The following CACNA2D4 variants were observed in gnomAD, a reference collection of about 807,000 sequenced individuals.
CACNA2D4 encodes voltage-dependent calcium channel subunit alpha-2/delta-4.
Under a neutral mutation model 163.8 loss-of-function variants are expected in CACNA2D4, and 157 were observed. That is an observed-to-expected ratio of 0.96 (90% confidence interval 0.84 to 1.09). CACNA2D4 has a LOEUF of 1.09. CACNA2D4 is among the 50% of genes least tolerant of loss of function. CACNA2D4 has a pLI of 0.00. For missense variants in CACNA2D4, 1,410 were observed against 1,479.9 expected (o/e 0.95, Z 0.78); for synonymous variants, 598 against 586.9 (o/e 1.02, Z -0.27).
At chr12:1,825,844 G>A (rs750991860) in intron 26 of CACNA2D4, among the ~76,000 whole-genome samples, 4 of 147,930 alleles carry the variant, frequency 2.7e-5, no homozygotes, top group Non-Finnish European at 6.0e-5. Context: ...ATCCAGTCCC[G>A]GACTTACCAT....
chr12:1,826,406 C>CG (rs924965935), intron 26 of CACNA2D4, among the ~76,000 whole-genome samples: 11 of 56,922 alleles, frequency 1.9e-4, no homozygotes, highest in Non-Finnish European at 4.3e-4. Context: ...CAGAGCCCCC[C>CG]CCCCCCCCCC....
intron 26 of CACNA2D4, among the ~76,000 whole-genome samples, chr12:1,839,286 G>T (rs1463491097): frequency 1.3e-5 from 2 of 152,240 alleles, no homozygotes; most frequent in East Asian, 1.9e-4. Flanking sequence ...CTGTTGGATC[G>T]CGCAACTTTT....
chr12:1,857,037 AAGAC>A, intron 20 of CACNA2D4, among the ~76,000 whole-genome samples: 1 of 152,310 alleles, frequency 6.6e-6, no homozygotes, highest in Middle Eastern at 3.4e-3. Flanking sequence ...GAGTGGGTAT[AAGAC>A]AGCACCCTCT....
At chr12:1,914,705 T>C in intron 2 of CACNA2D4, 149 bp downstream of exon 2, 1 of 622,800 alleles carries the variant, frequency 1.6e-6, no homozygotes, top group South Asian at 2.0e-5. Context: ...GTTGAGAAAA[T>C]CATTCACCTC....
intron 18 of CACNA2D4, among the ~76,000 whole-genome samples, chr12:1,865,315 G>C (rs564842843): frequency 6.6e-6 from 1 of 152,360 alleles, no homozygotes; most frequent in African/African-American, 2.4e-5. Context: ...CCACAGTCCT[G>C]ATTTCCTTGG....
At position 1,802,803 on chromosome 12, in the gene CACNA2D4, C is replaced by G. The variant is rs758359721; in HGVS notation, c.2722-1159G>C. On this transcript the variant is annotated intron_variant, in intron 29 of 37. Coordinates refer to ENST00000382722, the MANE Select transcript of CACNA2D4 (RefSeq NM_172364.5). This position sits in a 1 kb window ranked among gnomAD's most constrained non-coding sequence, Gnocchi z 4.7. ...TCCTCACCCTCGCTGGGAAGTCTTTCTATTCTAACTTTCCCAGCCAGAACA... is the reference window on the plus strand; with the variant it reads ...TCCTCACCCTCGCTGGGAAGTCTTTGTATTCTAACTTTCCCAGCCAGAACA... Among the ~76,000 whole-genome samples the G allele has an allele frequency of 4.6e-5, 7 of 152,200 alleles. No individual in the cohort carries two copies. Among genetic ancestry groups the G allele is most frequent in the Non-Finnish European group, 8.8e-5 (6 of 68,036 alleles).
rs1865957897 is a variant in CACNA2D4 at position 1,879,876 on chromosome 12, G to A, written c.1491C>T (p.Leu497=). Residue 497 remains leucine (L), a synonymous_variant, in exon 14 of 38, where the codon CTC becomes CTT. Coordinates refer to ENST00000382722, the MANE Select transcript of CACNA2D4 (RefSeq NM_172364.5). ...WTEAYMDSKL[L]SSQAQSLTLL... ...GTGTCAGGCTCTGAGCCTGCGAGCT[G>A]AGGAGCTGTAAGGGAGGGGAGAACA... The A allele has an allele frequency of 6.3e-7, 1 of 1,595,866 alleles. No homozygotes were observed. The highest frequency in any genetic ancestry group is 1.3e-5 in the African/African-American group (1 of 74,694).
intron 34 of CACNA2D4, 63 bp from the exon 35 acceptor site, chr12:1,797,598 C>T (rs74059368): frequency 0.097 from 121,337 of 1,252,668 alleles, 6,978 homozygotes; most frequent in African/African-American, 0.22. Context: ...GACCTCGCCT[C>T]GGCACTCCCA....
chr12:1,844,439 G>A lies in CACNA2D4; in HGVS notation c.2433C>T (p.Gly811=). ...WYRQASEHPA[G]SFVFNLRWAE... is the part of the protein sequence containing the mutation. ...CCCAGCGGAGGTTGAAGACGAAGCT[G>A]CCAGCAGGATGCTCTGAGGCCTGGC... The change falls in exon 25 of 38, where the codon GGC becomes GGT. Residue 811 remains glycine (G), a synonymous_variant. Transcript: ENST00000382722. This position sits in a 1 kb window ranked among gnomAD's most constrained non-coding sequence, Gnocchi z 4.2. 6.2e-7 allele frequency: 1 copy of A among 1,613,676 alleles called. No individual in the cohort carries two copies. Among genetic ancestry groups the A allele is most frequent in the East Asian group, 2.2e-5 (1 of 44,880 alleles).
intron 29 of CACNA2D4, among the ~76,000 whole-genome samples, chr12:1,809,144 C>T (rs1863631013): frequency 6.6e-6 from 1 of 152,236 alleles, no homozygotes; most frequent in Non-Finnish European, 1.5e-5. Context: ...CTCACTTGCC[C>T]TCTTTCCCAA....
rs1295588385 is a variant in CACNA2D4 at position 1,828,480 on chromosome 12, A to G, written c.2551+12259T>C. Among the ~76,000 whole-genome samples, 2 of 152,194 alleles carry G rather than the reference A, an allele frequency of 1.3e-5. No individual in the cohort carries two copies. Among genetic ancestry groups the G allele is most frequent in the Admixed American group, 6.5e-5 (1 of 15,286 alleles). Reference sequence around the variant, plus strand: ...GACAGTTGTTCTACCTCCCCCAGGTAAGTCTCTGTGAGCTTGCTGGGGTCC... The same window carrying G: ...GACAGTTGTTCTACCTCCCCCAGGTGAGTCTCTGTGAGCTTGCTGGGGTCC... On this transcript the variant is annotated intron_variant, in intron 26 of 37. Transcript: ENST00000382722. The surrounding 1 kb of genome is among the most constrained non-coding windows in gnomAD (Gnocchi z 4.2).
At chr12:1,831,653 T>C (rs1220332755) in intron 26 of CACNA2D4, 9 of 753,440 alleles carry the variant, frequency 1.2e-5, no homozygotes, top group African/African-American at 3.5e-5. Context: ...CGACCCTGCC[T>C]CTGTGCCAGC....
In CACNA2D4 at chr12:1,792,170, AT is replaced by A. The variant is rs1166336308; in HGVS notation, c.*1484del. 6.6e-6 allele frequency: 1 copy of A among 152,200 alleles called. No individual in the cohort carries two copies. The highest frequency in any genetic ancestry group is 2.4e-5 in the African/African-American group (1 of 41,432). 9.4% of individuals were successfully genotyped at this position (152,200 alleles called of 1,614,324 possible). ...AGGATGGAATGAGCTGAAACATGTTATTTGGTACATGTAAACCTTAGCTGTT... is the reference window on the plus strand; with the variant it reads ...AGGATGGAATGAGCTGAAACATGTTATTGGTACATGTAAACCTTAGCTGTT... On this transcript the variant is annotated 3_prime_UTR_variant, in exon 38 of 38. Transcript: ENST00000382722.
At chr12:1,896,626 C>T (rs1473619619) in intron 6 of CACNA2D4, among the ~76,000 whole-genome samples, 1 of 141,958 alleles carries the variant, frequency 7.0e-6, no homozygotes. Flanking sequence ...CACACACACA[C>T]ACACACACAC....
chr12:1,855,860 T>C (rs948573897), intron 22 of CACNA2D4, among the ~76,000 whole-genome samples, 152 bp downstream of exon 22: 7 of 152,230 alleles, frequency 4.6e-5, no homozygotes, highest in African/African-American at 1.4e-4. Flanking sequence ...GCCTTTTTCT[T>C]TGGGAATCTC....
In CACNA2D4 at chr12:1,884,884, G is replaced by A. The variant is rs1276448644; in HGVS notation, c.1159-3C>T. 16 of 1,612,222 alleles carry A rather than the reference G, an allele frequency of 9.9e-6. No homozygotes were observed. The South Asian group carries it at 1.5e-4, about 15-fold the overall frequency. ...CTTCCTTGCTTGGCCTCTTGGAACT[G>A]TGTAGGGAAGAGGAGTGCCCATGAC... On this transcript the variant is annotated splice_polypyrimidine_tract_variant and splice_region_variant and intron_variant, in intron 10 of 37. Transcript: ENST00000382722.
In CACNA2D4 at chr12:1,856,037, G is replaced by A. The variant is rs146360498; in HGVS notation, c.2127C>T (p.Leu709=). ...LSQLEAMIRF[L]TRKDPDLECD... ...ACTCCAGGTCTGGGTCCTTCCTGGTGAGGAAGCGGATCATGGCCTCTAGCT... is the reference window on the plus strand; with the variant it reads ...ACTCCAGGTCTGGGTCCTTCCTGGTAAGGAAGCGGATCATGGCCTCTAGCT... Residue 709 remains leucine, a synonymous_variant, in exon 22 of 38, where the codon CTC becomes CTT. Transcript: ENST00000382722. 1.2e-6 allele frequency: 2 copies of A among 1,613,772 alleles called. No homozygotes were observed. Among genetic ancestry groups the A allele is most frequent in the East Asian group, 4.5e-5 (2 of 44,882 alleles).
chr12:1,853,709 A>G (rs1337320594), intron 23 of CACNA2D4, among the ~76,000 whole-genome samples: 1 of 152,230 alleles, frequency 6.6e-6, no homozygotes, highest in East Asian at 1.9e-4. Flanking sequence ...CTCTTTGGCC[A>G]GGGGCATTTT....
intron 2 of CACNA2D4, 149 bp from the exon 3 acceptor site, chr12:1,913,288 T>C: frequency 1.5e-6 from 1 of 662,290 alleles, no homozygotes; most frequent in Non-Finnish European, 2.8e-6. Context: ...AGCCCTCTCC[T>C]CCCTGGACAA....
Sources: gnomAD v4.1 joint callset for allele counts (sites outside exome capture counted in the v4.1 genomes callset) on GRCh38, gnomAD v4.1.1 for gene constraint, Gnocchi (gnomAD v3.1) non-coding constraint, MANE v1.5 for transcripts, NCBI Gene and HGNC (gene_info 2026-07-23, HGNC 2026-07-21) for gene names.